Variants in PARD3 observed in about 807,000 individuals in gnomAD.
The protein encoded by PARD3 is partitioning defective 3 homolog.
Under a neutral mutation model 155.4 loss-of-function variants are expected in PARD3, and 75 were observed. The observed-to-expected ratio is 0.48, with a 90% CI of 0.40 to 0.58. The LOEUF (loss-of-function observed/expected upper bound fraction) is 0.58, where lower values mean the gene tolerates loss of function less well. Ranked by LOEUF, PARD3 falls within the 20% of genes least tolerant of loss-of-function variation. The probability of loss-of-function intolerance (pLI) is 0.00; values close to 1 mark genes in which losing one functional copy is unlikely to be tolerated. For missense variants in PARD3, 1,642 were observed against 1,721.7 expected, an observed-to-expected ratio of 0.95 and a Z score of 0.82; for synonymous variants, 576 against 610.5, an observed-to-expected ratio of 0.94 and a Z score of 0.83.
intron 5 of PARD3, among the ~76,000 whole-genome samples, chr10:34,416,387 G>A (rs560711121): frequency 6.6e-6 from 1 of 152,284 alleles, no homozygotes; most frequent in South Asian, 2.1e-4. Context: ...AACATAAGGA[G>A]GGCAGGGGGG....
At chr10:34,173,710 T>A (rs1949907319) in intron 22 of PARD3, among the ~76,000 whole-genome samples, 1 of 152,316 alleles carries the variant, frequency 6.6e-6, no homozygotes, top group Non-Finnish European at 1.5e-5. Context: ...AGGAAGACAC[T>A]GATTTGACTG....
intron 1 of PARD3, among the ~76,000 whole-genome samples, chr10:34,708,155 T>C (rs2094395218): frequency 6.6e-6 from 1 of 151,682 alleles, no homozygotes; most frequent in African/African-American, 2.4e-5. Context: ...ATACAGGGGA[T>C]AGAGAACCAA....
intron 14 of PARD3, among the ~76,000 whole-genome samples, chr10:34,356,739 C>T (rs1198935614): frequency 2.0e-5 from 3 of 152,196 alleles, no homozygotes; most frequent in Non-Finnish European, 4.4e-5. Flanking sequence ...ATAAGTACAA[C>T]AGCTGAAAAA....
At chr10:34,167,506 TA>T (rs142809627) in intron 22 of PARD3, among the ~76,000 whole-genome samples, 88 of 145,428 alleles carry the variant, frequency 6.1e-4, no homozygotes, top group Admixed American at 1.3e-3. Flanking sequence ...TATGAAACAT[TA>T]AAAAAAAAAC....
At chr10:34,573,430 AGTG>A (rs2086596709) in intron 2 of PARD3, among the ~76,000 whole-genome samples, 1 of 150,850 alleles carries the variant, frequency 6.6e-6, no homozygotes, top group Non-Finnish European at 1.5e-5. Flanking sequence ...GAGCAGGTGC[AGTG>A]GCTCATGCCT....
chr10:34,735,325 T>C (rs1001116406), intron 1 of PARD3, among the ~76,000 whole-genome samples: 4 of 152,144 alleles, frequency 2.6e-5, no homozygotes, highest in African/African-American at 9.7e-5. Flanking sequence ...AGCAGAAAAT[T>C]TGAGAAAATA....
rs561074407 is a variant in PARD3, at chr10:34,649,968, C to A, written c.222+46350G>T. ...ACATTAGCCTAGACCTACACAGGGT[C>A]AGGATCATCAACATCACTGTCTTCC... On this transcript the variant is annotated intron_variant, in intron 2 of 24. Transcript: ENST00000374788. Among the ~76,000 whole-genome samples the A allele has an allele frequency of 6.8e-4, 103 of 152,210 alleles. 1 individual carries two copies. The highest frequency in any genetic ancestry group is 2.4e-3 in the African/African-American group (100 of 41,484).
In PARD3 at chr10:34,214,941, T is replaced by C. The variant is rs185715296; in HGVS notation, c.3419+54716A>G. Among the ~76,000 whole-genome samples, 415 of 152,288 alleles carry C rather than the reference T, an allele frequency of 2.7e-3. 1 individual carries two copies. The highest frequency in any genetic ancestry group is 4.5e-3 in the Non-Finnish European group (309 of 68,006). ...TTTAAGGGTGAGACGCAGTCAGGAATGTAACATGCTAGTTTTGTTAAGGGT... is the reference window on the plus strand; with the variant it reads ...TTTAAGGGTGAGACGCAGTCAGGAACGTAACATGCTAGTTTTGTTAAGGGT... On this transcript the variant is annotated intron_variant, in intron 22 of 24. Coordinates refer to ENST00000374788, the MANE Select transcript of PARD3 (RefSeq NM_001184785.2).
intron 22 of PARD3, among the ~76,000 whole-genome samples, chr10:34,245,690 G>A (rs1045629289): frequency 1.5e-4 from 23 of 152,380 alleles, no homozygotes; most frequent in African/African-American, 5.5e-4. Context: ...AACTAGGTAT[G>A]AGGGCTAAGG....
intron 5 of PARD3, among the ~76,000 whole-genome samples, chr10:34,413,821 G>A (rs1845375628): frequency 2.0e-5 from 3 of 152,290 alleles, no homozygotes; most frequent in South Asian, 2.1e-4. Context: ...AGAGTAGCAA[G>A]TCAGATATTA....
chr10:34,483,846 C>G (rs1330058551), intron 3 of PARD3, among the ~76,000 whole-genome samples: 1 of 152,242 alleles, frequency 6.6e-6, no homozygotes, highest in Non-Finnish European at 1.5e-5. Flanking sequence ...GACCACAACC[C>G]TGTTGTTCAC....
At chr10:34,346,993 A>G (rs1837498546) in intron 15 of PARD3, among the ~76,000 whole-genome samples, 1 of 152,212 alleles carries the variant, frequency 6.6e-6, no homozygotes, top group South Asian at 2.1e-4. Flanking sequence ...GTATATACAC[A>G]ATGTCTTGCC....
intron 2 of PARD3, among the ~76,000 whole-genome samples, chr10:34,669,854 A>T (rs1338798155): frequency 1.3e-5 from 2 of 152,214 alleles, no homozygotes; most frequent in Non-Finnish European, 2.9e-5. Context: ...AAAAGGATGT[A>T]TTTAAAATTT....
At chr10:34,638,434 G>T (rs778349254) in intron 2 of PARD3, among the ~76,000 whole-genome samples, 3 of 152,128 alleles carry the variant, frequency 2.0e-5, no homozygotes, top group Non-Finnish European at 4.4e-5. Context: ...AAAATGTTCA[G>T]TACATCTAGG....
intron 19 of PARD3, among the ~76,000 whole-genome samples, chr10:34,320,259 C>A (rs186211362): frequency 5.4e-4 from 83 of 152,316 alleles, no homozygotes; most frequent in African/African-American, 2.0e-3. Flanking sequence ...AGACTAGCCA[C>A]AATCTGACTA....
chr10:34,525,292 T>TA (rs1327896744), intron 2 of PARD3, among the ~76,000 whole-genome samples: 6 of 152,166 alleles, frequency 3.9e-5, no homozygotes, highest in Admixed American at 2.0e-4. Flanking sequence ...TACTGTCTGA[T>TA]AAAAAAGACC....
intron 3 of PARD3, among the ~76,000 whole-genome samples, chr10:34,472,459 G>C (rs1215330760): frequency 1.3e-5 from 2 of 152,142 alleles, no homozygotes; most frequent in Non-Finnish European, 2.9e-5. Context: ...AAAATTTCCA[G>C]AATCATCAAA....
intron 2 of PARD3, among the ~76,000 whole-genome samples, chr10:34,529,636 G>A (rs1019014593): frequency 2.0e-5 from 3 of 152,098 alleles, no homozygotes; most frequent in Non-Finnish European, 4.4e-5. Flanking sequence ...CACCTATTTT[G>A]TGTGTTATAT....
intron 22 of PARD3, among the ~76,000 whole-genome samples, chr10:34,220,488 C>G (rs1209316439): frequency 6.6e-6 from 1 of 152,170 alleles, no homozygotes; most frequent in African/African-American, 2.4e-5. Context: ...CGATTTTGTG[C>G]TCAAACAAGA....
Sources: gnomAD v4.1 joint callset for allele counts (sites outside exome capture counted in the v4.1 genomes callset) on GRCh38, gnomAD v4.1.1 for gene constraint, MANE v1.5 for transcripts, NCBI Gene and HGNC (gene_info 2026-07-23, HGNC 2026-07-21) for gene names.